AGPAT3: variants seen among roughly 807,000 people sequenced by gnomAD.
AGPAT3 encodes the protein 1-acyl-sn-glycerol-3-phosphate acyltransferase gamma.
A neutral mutation model predicts 47.3 loss-of-function variants in AGPAT3; 5 were observed. The observed-to-expected ratio is 0.11, with a 90% confidence interval of 0.06 to 0.22. AGPAT3 has a LOEUF of 0.22. Among genes scored for constraint, AGPAT3 ranks in the 10% least tolerant of loss-of-function variants. The pLI, the probability that AGPAT3 is intolerant of heterozygous loss-of-function variation, is 1.00. For missense variants in AGPAT3, 315 were observed against 493.0 expected (o/e 0.64, Z 3.42); for synonymous variants, 212 against 208.3 (o/e 1.02, Z -0.15).
chr21:43,882,852 G>A (rs145359493), intron 1 of AGPAT3, among the ~76,000 whole-genome samples: 2 of 152,272 alleles, frequency 1.3e-5, no homozygotes, highest in African/African-American at 4.8e-5. Context: ...TCTGCCTGTT[G>A]TCTCCATCCT....
At chr21:43,893,337 C>T (rs1569049536) in intron 1 of AGPAT3, among the ~76,000 whole-genome samples, 1 of 152,204 alleles carries the variant, frequency 6.6e-6, no homozygotes, top group East Asian at 1.9e-4. Context: ...GAGTAAGGGC[C>T]TTGCTAGGCA....
At chr21:43,956,080 G>C (rs1013578142) in intron 2 of AGPAT3, among the ~76,000 whole-genome samples, 3 of 152,172 alleles carry the variant, frequency 2.0e-5, no homozygotes, top group African/African-American at 4.8e-5. Context: ...GCCCCTGGGT[G>C]AGGACCACCT....
At position 43,865,265 on chromosome 21, in the gene AGPAT3, C is replaced by G. The variant is rs1337900176; in HGVS notation, c.-192C>G. The G allele has an allele frequency of 6.8e-6, 1 of 146,912 alleles. No homozygotes were observed. The highest frequency in any genetic ancestry group is 1.5e-5 in the Non-Finnish European group (1 of 65,798). 9.1% of individuals were successfully genotyped at this position (146,912 alleles called of 1,614,324 possible). A position where few individuals can be genotyped will look rare whatever the true frequency, so the allele number is the denominator to read the frequency against. On this transcript the variant is annotated 5_prime_UTR_variant, in exon 1 of 10. Transcript: ENST00000291572. ...CGCAGGGCCGGGCCGGGCCCAGGGC[C>G]GAGGAGCGCGGCGGCCAGAGCGGGG... is the stretch of plus-strand genomic sequence containing the variant.
chr21:43,959,965 G>T, intron 3 of AGPAT3, 106 bp downstream of exon 3: 2 of 1,260,024 alleles, frequency 1.6e-6, no homozygotes, highest in Non-Finnish European at 2.2e-6. Flanking sequence ...TGAGGGCTAT[G>T]CAGGAGGTGC....
At chr21:43,958,560 T>C (rs1490469383) in intron 2 of AGPAT3, among the ~76,000 whole-genome samples, 3 of 150,840 alleles carry the variant, frequency 2.0e-5, no homozygotes, top group African/African-American at 7.3e-5. Context: ...GTGTGTGTGG[T>C]GCGTGTGGCG....
rs11365476 is a variant in AGPAT3 at position 43,909,292 on chromosome 21, ATTTTTTTTTTTT to A, written c.-49+5283_-49+5294del. On this transcript the variant is annotated intron_variant, in intron 2 of 9. Coordinates refer to ENST00000291572, the MANE Select transcript of AGPAT3 (RefSeq NM_020132.5). Reference sequence around the variant, plus strand: ...GGTGGGCCACTCATTTTTCATACACATTTTTTTTTTTTTTTTTTTTTGAGACGGGGTCTCACT... The same window carrying A: ...GGTGGGCCACTCATTTTTCATACACATTTTTTTTTGAGACGGGGTCTCACT... Among the ~76,000 whole-genome samples the A allele has an allele frequency of 2.0e-5, 2 of 102,304 alleles. 1 individual carries two copies. The highest frequency in any genetic ancestry group is 6.0e-4 in the East Asian group (2 of 3,328). The allele number at this position is 102,304 out of a possible 152,430, so 67.1% of individuals were successfully genotyped here. A position where few individuals can be genotyped will look rare whatever the true frequency, so the allele number is the denominator to read the frequency against.
intron 1 of AGPAT3, among the ~76,000 whole-genome samples, chr21:43,885,673 C>T (rs749156326): frequency 1.7e-4 from 26 of 152,208 alleles, no homozygotes; most frequent in Non-Finnish European, 3.2e-4. Flanking sequence ...CATAAGCCAC[C>T]GTGCCCAGTG....
rs768839379 is a variant in AGPAT3 at position 43,982,836 on chromosome 21, C to T, written c.*444C>T. The T allele has an allele frequency of 3.2e-4, 52 of 163,384 alleles. No homozygotes were observed. Among genetic ancestry groups the T allele is most frequent in the Non-Finnish European group, 5.3e-4 (40 of 75,938 alleles). 10.1% of individuals were successfully genotyped at this position (163,384 alleles called of 1,614,324 possible). On this transcript the variant is annotated 3_prime_UTR_variant, in exon 10 of 10. Transcript: ENST00000291572. This position sits in a 1 kb window ranked among gnomAD's most constrained non-coding sequence, Gnocchi z 6.2. ...TTTCTGCTGTCCTCCTGGGAGTGGA[C>T]GGCCGGGTCCCGTCCCCCGGGAGCA... is the stretch of plus-strand genomic sequence containing the variant.
Position 43,985,306 on chromosome 21 carries a change from G to A in AGPAT3, c.*2914G>A. ...CTATGTGAGGTGCTTTAAGGTCCCT[G>A]TCCTCAGGAAGCGCAGTCTGGTGGA... On this transcript the variant is annotated 3_prime_UTR_variant, in exon 10 of 10. Transcript: ENST00000291572. The A allele has an allele frequency of 2.3e-6, 1 of 431,394 alleles. No individual in the cohort carries two copies. Among genetic ancestry groups the A allele is most frequent in the Admixed American group, 2.5e-5 (1 of 39,488 alleles). 26.7% of individuals were successfully genotyped at this position (431,394 alleles called of 1,614,324 possible).
chr21:43,896,928 G>T (rs2086228776), intron 1 of AGPAT3, among the ~76,000 whole-genome samples: 5 of 114,206 alleles, frequency 4.4e-5, no homozygotes, highest in East Asian at 2.5e-4. Flanking sequence ...TTTTTAAATT[G>T]AAGTTTGACA....
At chr21:43,941,131 G>A (rs2087639834) in intron 2 of AGPAT3, among the ~76,000 whole-genome samples, 1 of 152,214 alleles carries the variant, frequency 6.6e-6, no homozygotes, top group African/African-American at 2.4e-5. Context: ...CCAAGTCTGG[G>A]TGCCAACTTT....
At chr21:43,926,546 C>A (rs928710208) in intron 2 of AGPAT3, among the ~76,000 whole-genome samples, 4 of 152,100 alleles carry the variant, frequency 2.6e-5, no homozygotes, top group Admixed American at 6.5e-5. Context: ...CCCCAGCCCC[C>A]ACGGCGCGTT....
At chr21:43,911,038 C>T (rs534449548) in intron 2 of AGPAT3, among the ~76,000 whole-genome samples, 3 of 152,276 alleles carry the variant, frequency 2.0e-5, no homozygotes, top group Non-Finnish European at 2.9e-5. Context: ...CCACTGTAAG[C>T]GGTTTGTGGT....
At chr21:43,897,097 C>A (rs2086237758) in intron 1 of AGPAT3, among the ~76,000 whole-genome samples, 1 of 151,798 alleles carries the variant, frequency 6.6e-6, no homozygotes, top group South Asian at 2.1e-4. Flanking sequence ...AGGCAGAGGA[C>A]CCTGCGGCCT....
chr21:43,968,127 C>T lies in AGPAT3; in HGVS notation c.348+12C>T, dbSNP rs1173691319. Reference sequence around the variant, plus strand: ...TCGGAGTGCTGGGGGTGAGCGGGGACCTGGGGAGGGCCACGGGTGAGCAGG... The same window carrying T: ...TCGGAGTGCTGGGGGTGAGCGGGGATCTGGGGAGGGCCACGGGTGAGCAGG... On this transcript the variant is annotated intron_variant, in intron 4 of 9. Coordinates refer to ENST00000291572, the MANE Select transcript of AGPAT3 (RefSeq NM_020132.5). 2 of 1,605,194 alleles carry T rather than the reference C, an allele frequency of 1.2e-6. No homozygotes were observed. The highest frequency in any genetic ancestry group is 1.7e-6 in the Non-Finnish European group (2 of 1,176,470).
In AGPAT3 at chr21:43,961,561, A is replaced by G. The variant is rs186376893; in HGVS notation, c.178+1702A>G. 1.6e-3 allele frequency among the ~76,000 whole-genome samples: 198 copies of G among 125,036 alleles called. 1 individual carries two copies. Among genetic ancestry groups the G allele is most frequent in the African/African-American group, 5.7e-3 (172 of 30,430 alleles). 82.0% of individuals were successfully genotyped at this position (125,036 alleles called of 152,430 possible). ...ATACACTTTGTCTCATATGGAAAAC[A>G]GTGAGCGCGTAGACACTTTGTCTCG... On this transcript the variant is annotated intron_variant, in intron 3 of 9. Transcript: ENST00000291572.
chr21:43,975,220 GGT>G lies in AGPAT3; in HGVS notation c.768-2820_768-2819del, dbSNP rs765224868. Among the ~76,000 whole-genome samples the G allele has an allele frequency of 9.0e-5, 13 of 143,998 alleles. 1 individual carries two copies. The South Asian group carries it at 1.4e-3, about 15-fold the overall frequency. The allele number at this position is 143,998 out of a possible 152,430, so 94.5% of individuals were successfully genotyped here. On this transcript the variant is annotated intron_variant, in intron 7 of 9. Coordinates refer to ENST00000291572, the MANE Select transcript of AGPAT3 (RefSeq NM_020132.5). ...CGTGTGGTGTGTTCTGGTGTGTGCTGGTGTGTGGTAATGTTTTGGTGTGTGCT... is the reference window on the plus strand; with the variant it reads ...CGTGTGGTGTGTTCTGGTGTGTGCTGGTGTGGTAATGTTTTGGTGTGTGCT...
intron 2 of AGPAT3, among the ~76,000 whole-genome samples, chr21:43,923,316 G>A (rs972559696): frequency 2.4e-4 from 36 of 152,202 alleles, no homozygotes; most frequent in African/African-American, 8.0e-4. Context: ...AGCAGCCTGC[G>A]CTGATGTCAG....
rs143114860 is a variant in AGPAT3, at chr21:43,954,348, G to T, written c.-48-5286G>T. 2.0e-5 allele frequency among the ~76,000 whole-genome samples: 3 copies of T among 152,194 alleles called. No homozygotes were observed. Among genetic ancestry groups the T allele is most frequent in the African/African-American group, 7.2e-5 (3 of 41,444 alleles). ...GTGGAACAGGGTACCTGCGAGGTCT[G>T]TGAGTGAAACTACACTGCTGGCTGG... is the stretch of plus-strand genomic sequence containing the variant. On this transcript the variant is annotated intron_variant, in intron 2 of 9. Transcript: ENST00000291572. The surrounding 1 kb of genome is among the most constrained non-coding windows in gnomAD (Gnocchi z 4.0).
Sources: allele counts gnomAD v4.1 joint callset (sites outside exome capture counted in the v4.1 genomes callset), GRCh38; gene constraint gnomAD v4.1.1; non-coding constraint Gnocchi (gnomAD v3.1); transcripts MANE v1.5; gene names NCBI Gene and HGNC (gene_info 2026-07-23, HGNC 2026-07-21).